Variants in LTBP3 observed in about 807,000 individuals in gnomAD.
The protein encoded by LTBP3 is latent-transforming growth factor beta-binding protein 3.
Under a neutral mutation model 159.7 loss-of-function variants are expected in LTBP3, and 97 were observed. The observed-to-expected ratio is 0.61, with a 90% CI of 0.52 to 0.72. The LOEUF (loss-of-function observed/expected upper bound fraction) is 0.72, where lower values mean the gene tolerates loss of function less well. Ranked by LOEUF, LTBP3 falls within the 30% of genes least tolerant of loss-of-function variation. The pLI, the probability that LTBP3 is intolerant of heterozygous loss-of-function variation, is 0.00. For missense variants in LTBP3, 1,584 were observed against 1,864.3 expected (o/e 0.85, Z 2.77); for synonymous variants, 824 against 777.1 (o/e 1.06, Z -1.00).
chr11:65,543,735 C>T (rs1157096449), intron 16 of LTBP3, 186 bp from the exon 17 acceptor site: 11 of 713,088 alleles, frequency 1.5e-5, no homozygotes, highest in Non-Finnish European at 7.2e-6. Context: ...CTGCCAGGGT[C>T]CCTAGGCCAG....
In LTBP3 at chr11:65,558,168, C is replaced by G. The variant is rs990861578; in HGVS notation, c.-209G>C. The G allele has an allele frequency of 7.9e-5, 85 of 1,070,124 alleles. No individual in the cohort carries two copies. The highest frequency in any genetic ancestry group is 5.4e-5 in the Admixed American group (1 of 18,574). 66.3% of individuals were successfully genotyped at this position (1,070,124 alleles called of 1,614,324 possible). A position where few individuals can be genotyped will look rare whatever the true frequency, so the allele number is the denominator to read the frequency against. ...AGCGGGGAGCGCAGAAACTTCCCAG[C>G]CCCAGGACGAAGCCCAGACCAGGCC... On this transcript the variant is annotated 5_prime_UTR_variant, in exon 1 of 28. Transcript: ENST00000301873.
chr11:65,541,871 T>C (rs948574840), intron 18 of LTBP3, 143 bp from the exon 19 acceptor site: 6 of 871,318 alleles, frequency 6.9e-6, no homozygotes, highest in Non-Finnish European at 1.1e-5. Context: ...TGTCTGTGCA[T>C]GTGTCTGAAT....
Position 65,547,780 on chromosome 11 carries a change from C to T in LTBP3, c.1888G>A (p.Gly630Ser), listed in dbSNP as rs1178115391. ...CEAEPCGPGR[G>S]ICMNTGGSYN... is the part of the protein sequence containing the mutation. ...GAGCCGCCGGTGTTCATGCAGATGC[C>T]CCTCCCCGGGCCACAGGGCTCTGCC... Residue 630 changes from glycine to serine, a missense_variant, in exon 13 of 28, where the codon GGC (glycine) becomes AGC (serine). Physicochemically the swap from Gly to Ser is moderately conservative, Grantham distance 56. Transcript: ENST00000301873. The surrounding 1 kb of genome is among the most constrained non-coding windows in gnomAD (Gnocchi z 4.6). The T allele has an allele frequency of 6.2e-7, 1 of 1,612,560 alleles. No homozygotes were observed. Among genetic ancestry groups the T allele is most frequent in the African/African-American group, 1.3e-5 (1 of 74,880 alleles).
At position 65,541,735 on chromosome 11, in the gene LTBP3, G is replaced by A. The variant is rs751990659; in HGVS notation, c.2597-7C>T. Reference sequence around the variant, plus strand: ...TGGCTGCACTCATCTATGTCTGCGGGGCAAGAGTAGCGCAGCTGGAAACCC... The same window carrying A: ...TGGCTGCACTCATCTATGTCTGCGGAGCAAGAGTAGCGCAGCTGGAAACCC... On this transcript the variant is annotated splice_region_variant and splice_polypyrimidine_tract_variant and intron_variant, in intron 18 of 27. Transcript: ENST00000301873. 2.5e-5 allele frequency: 41 copies of A among 1,613,970 alleles called. No homozygotes were observed. Among genetic ancestry groups the A allele is most frequent in the South Asian group, 2.5e-4 (23 of 91,074 alleles).
chr11:65,538,972 C>A lies in LTBP3; in HGVS notation c.*108G>T. The A allele has an allele frequency of 7.6e-7, 1 of 1,315,078 alleles. No individual in the cohort carries two copies. Among genetic ancestry groups the A allele is most frequent in the Non-Finnish European group, 9.7e-7 (1 of 1,033,290 alleles). The allele number at this position is 1,315,078 out of a possible 1,614,324, so 81.5% of individuals were successfully genotyped here. ...CAAGGCGCCGGGAGGGTCTGCGGGC[C>A]CTGAAGGTCCCTGGGTCCGAGCCAC... On this transcript the variant is annotated 3_prime_UTR_variant, in exon 28 of 28. Coordinates refer to ENST00000301873, the MANE Select transcript of LTBP3 (RefSeq NM_001130144.3).
Position 65,538,705 on chromosome 11 carries a change from C to A in LTBP3, c.*375G>T, listed in dbSNP as rs971420566. 2 of 1,181,610 alleles carry A rather than the reference C, an allele frequency of 1.7e-6. No individual in the cohort carries two copies. Among genetic ancestry groups the A allele is most frequent in the Non-Finnish European group, 2.3e-6 (2 of 863,766 alleles). 73.2% of individuals were successfully genotyped at this position (1,181,610 alleles called of 1,614,324 possible). On this transcript the variant is annotated 3_prime_UTR_variant, in exon 28 of 28. Transcript: ENST00000301873. ...GAGCCACAATAAATTCTATTTCACA[C>A]CCCTTGTGCCGGGCTCAGTCTAGCC...
chr11:65,546,902 T>C lies in LTBP3; in HGVS notation c.2126A>G (p.Asp709Gly). ...PVCEDIDECR[D>G]PSSCPDGKCE... ...TTTGCCATCCGGGCAAGAGCTTGGG[T>C]CCCGGCACTCGTCGATGTCTGCACG... Residue 709 changes from aspartate to glycine, a missense_variant, in exon 15 of 28, where the codon GAC becomes GGC. Asp to Gly is a moderately conservative substitution (Grantham distance 94, BLOSUM62 -1). Around this residue, in one of 6 missense-constraint regions of LTBP3, gnomAD observed 565 missense variants for 677.7 expected, o/e 0.83. Coordinates refer to ENST00000301873, the MANE Select transcript of LTBP3 (RefSeq NM_001130144.3). The surrounding 1 kb of genome is among the most constrained non-coding windows in gnomAD (Gnocchi z 4.0). 6.2e-7 allele frequency: 1 copy of C among 1,612,334 alleles called. No homozygotes were observed. The highest frequency in any genetic ancestry group is 1.3e-5 in the African/African-American group (1 of 75,032).
chr11:65,538,715 C>T lies in LTBP3; in HGVS notation c.*365G>A, dbSNP rs1740422271. 4.4e-6 allele frequency: 5 copies of T among 1,135,190 alleles called. No homozygotes were observed. The highest frequency in any genetic ancestry group is 1.6e-5 in the African/African-American group (1 of 64,240). The allele number at this position is 1,135,190 out of a possible 1,614,324, so 70.3% of individuals were successfully genotyped here. ...AAATTCTATTTCACACCCCTTGTGC[C>T]GGGCTCAGTCTAGCCCCTGGGAGGC... On this transcript the variant is annotated 3_prime_UTR_variant, in exon 28 of 28. Coordinates refer to ENST00000301873, the MANE Select transcript of LTBP3 (RefSeq NM_001130144.3).
At chr11:65,548,839 C>T (rs1856489307) in intron 11 of LTBP3, 1 of 152,328 alleles carries the variant, frequency 6.6e-6, no homozygotes, top group Non-Finnish European at 1.5e-5. Flanking sequence ...CTTAACAGCC[C>T]CTCCTTTGAG....
In LTBP3 at chr11:65,547,060, CA is replaced by C; in HGVS notation, c.2108-141del. The C allele has an allele frequency of 7.9e-7, 1 of 1,271,510 alleles. No homozygotes were observed. The highest frequency in any genetic ancestry group is 1.1e-6 in the Non-Finnish European group (1 of 925,480). The allele number at this position is 1,271,510 out of a possible 1,614,324, so 78.8% of individuals were successfully genotyped here. The stretch of plus-strand genomic sequence containing the variant: ...AACCTCTGAGAGGCCCAGAGCCGAG[CA>C]TACAGGCCGGGTGCGGTGGCACACG... On this transcript the variant is annotated intron_variant, in intron 14 of 27. Transcript: ENST00000301873. The surrounding 1 kb of genome is among the most constrained non-coding windows in gnomAD (Gnocchi z 4.6).
rs200797100 is a variant in LTBP3, at chr11:65,540,489, C to A, written c.3103G>T (p.Val1035Leu). Residue 1035 changes from valine to leucine, a missense_variant, in exon 22 of 28, where the codon GTG becomes TTG. Coordinates refer to ENST00000301873, the MANE Select transcript of LTBP3 (RefSeq NM_001130144.3). ...GCCGCCGGGGGGCGGAGCTCACCCA[C>A]GCATTCCAGCAGGTTCCCGTCGTAG... ...FYYDGNLLEC[V>L]DVDECLDESN... 5.0e-6 allele frequency: 8 copies of A among 1,613,506 alleles called. No homozygotes were observed. Among genetic ancestry groups the A allele is most frequent in the Non-Finnish European group, 6.8e-6 (8 of 1,179,858 alleles).
At chr11:65,541,910 C>A in intron 18 of LTBP3, 182 bp from the exon 19 acceptor site, 1 of 670,770 alleles carries the variant, frequency 1.5e-6, no homozygotes, top group African/African-American at 1.8e-5. Context: ...TGCTGTCCTT[C>A]ATAACACCTT....
rs1226246312 is a variant in LTBP3 at position 65,543,481 on chromosome 11, G to A, written c.2422C>T (p.Gln808Ter). ...TGGTAGCCAGAGAGGCACTGACACT[G>A]GAAAGATCCTGGCGTGTTGCTGCAG... Reference protein sequence around the residue: ...GICSNTPGSFQCQCLSGYHLS... With the variant: ...GICSNTPGSF Residue 808 changes from glutamine (Q) to a stop codon, truncating the protein, a stop_gained, in exon 17 of 28, where the codon CAG (glutamine) becomes TAG (stop). Coordinates refer to ENST00000301873, the MANE Select transcript of LTBP3 (RefSeq NM_001130144.3). LOFTEE classifies it high-confidence loss of function. The A allele has an allele frequency of 6.8e-6, 11 of 1,614,110 alleles. No homozygotes were observed. Among genetic ancestry groups the A allele is most frequent in the Non-Finnish European group, 9.3e-6 (11 of 1,179,982 alleles).
rs1422633222 is a variant in LTBP3, at chr11:65,546,073, T to TG, written c.2353+368dup. On this transcript the variant is annotated intron_variant, in intron 16 of 27. Coordinates refer to ENST00000301873, the MANE Select transcript of LTBP3 (RefSeq NM_001130144.3). This position sits in a 1 kb window ranked among gnomAD's most constrained non-coding sequence, Gnocchi z 4.0. ...AGCTCCATCCAGGCCCAGCACTGCATGCTACAGTCTGTCTTTCCTTCTCCA... is the reference window on the plus strand; with the variant it reads ...AGCTCCATCCAGGCCCAGCACTGCATGGCTACAGTCTGTCTTTCCTTCTCCA... 2 of 302,190 alleles carry TG rather than the reference T, an allele frequency of 6.6e-6. No individual in the cohort carries two copies. Among genetic ancestry groups the TG allele is most frequent in the Non-Finnish European group, 1.3e-5 (2 of 159,678 alleles). The allele number at this position is 302,190 out of a possible 1,614,324, so 18.7% of individuals were successfully genotyped here.
In LTBP3 at chr11:65,539,572, G is replaced by C. The variant is rs1380257524; in HGVS notation, c.3604C>G (p.Leu1202Val). The C allele has an allele frequency of 1.2e-6, 2 of 1,612,752 alleles. No individual in the cohort carries two copies. Among genetic ancestry groups the C allele is most frequent in the East Asian group, 2.2e-5 (1 of 44,838 alleles). The change falls in exon 26 of 28, where the codon CTG becomes GTG. Residue 1202 changes from leucine (L) to valine (V), a missense_variant. Physicochemically the swap from Leu to Val is conservative, Grantham distance 32 (BLOSUM62 1). Coordinates refer to ENST00000301873, the MANE Select transcript of LTBP3 (RefSeq NM_001130144.3). ...ESNSFWDTSPLLLGKPPRDED... is the reference protein window; with the variant it reads ...ESNSFWDTSPVLLGKPPRDED... ...CCTCTTGGGGGCTTCCCCAACAGCA[G>C]GGGGCTTGTGTCCCAGAAGGAATTG... is the stretch of plus-strand genomic sequence containing the variant.
intron 8 of LTBP3, 26 bp downstream of exon 8, chr11:65,551,946 A>G: frequency 1.2e-6 from 2 of 1,612,126 alleles, no homozygotes; most frequent in South Asian, 2.2e-5. Flanking sequence ...GGCATGGGTC[A>G]GGGATCAGAA....
At chr11:65,540,670 G>A in intron 21 of LTBP3, 56 bp from the exon 22 acceptor site, 3 of 1,608,378 alleles carry the variant, frequency 1.9e-6, no homozygotes, top group Non-Finnish European at 2.5e-6. Context: ...CCGGAGGCGT[G>A]GGCTGGGCGC....
chr11:65,540,740 G>GGGGCCTACAGGGT, intron 21 of LTBP3, 126 bp from the exon 22 acceptor site: 1 of 1,508,948 alleles, frequency 6.6e-7, no homozygotes, highest in Non-Finnish European at 9.1e-7. Flanking sequence ...CCTACAGGGC[G>GGGGCCTACAGGGT]GGGCCTGCGA....
Position 65,540,047 on chromosome 11 carries a change from G to C in LTBP3, c.3351C>G (p.Ser1117=). The C allele has an allele frequency of 2.0e-6, 3 of 1,517,178 alleles. No homozygotes were observed. Among genetic ancestry groups the C allele is most frequent in the Non-Finnish European group, 2.6e-6 (3 of 1,138,260 alleles). 94.0% of individuals were successfully genotyped at this position (1,517,178 alleles called of 1,614,324 possible). ...TCTCGGGGAGCTGGCAATCGCGGCC[G>C]GAGGGCCCGGGCACCCAGGGCGGGC... ...ECRPPWVPGP[S]GRDCQLPESP... The change falls in exon 24 of 28, where the codon TCC becomes TCG. Residue 1117 remains serine (S), a synonymous_variant. Transcript: ENST00000301873.
Sources: gnomAD v4.1 joint callset for allele counts on GRCh38, gnomAD v4.1.1 for gene constraint, gnomAD v4.1.1 regional missense constraint, Gnocchi (gnomAD v3.1) non-coding constraint, MANE v1.5 for transcripts, NCBI Gene and HGNC (gene_info 2026-07-23, HGNC 2026-07-21) for gene names.